Variants in PCDHGA6 observed in about 807,000 individuals in gnomAD.
PCDHGA6 encodes the protein protocadherin gamma-A6.
In PCDHGA6, 41 loss-of-function variants were observed where a neutral mutation model predicts 60.6. The observed-to-expected ratio is 0.68, with a 90% confidence interval of 0.53 to 0.88. The LOEUF (loss-of-function observed/expected upper bound fraction) is 0.88, where lower values mean the gene tolerates loss of function less well. PCDHGA6 is among the 40% of genes least tolerant of loss of function. The pLI is 0.00. For missense variants in PCDHGA6, 1,312 were observed against 1,203.0 expected, an observed-to-expected ratio of 1.09 and a Z score of -1.34; for synonymous variants, 594 against 524.4, an observed-to-expected ratio of 1.13 and a Z score of -1.81.
rs188768340 is a variant in PCDHGA6, at chr5:141,382,953, C to G, written c.2424+6446C>G. On this transcript the variant is annotated intron_variant, in intron 1 of 3. Transcript: ENST00000517434. ...ACAGAGGATTCTTCCTGCTCTCCAT[C>G]CTCCTGGGGACCCCCTGGGAAGCCT... 1,258 of 1,601,498 alleles carry G rather than the reference C, an allele frequency of 7.9e-4. 16 individuals carry two copies. In the African/African-American group the frequency reaches 0.015, roughly 19 times the overall value.
chr5:141,419,659 C>T (rs930108720), intron 1 of PCDHGA6: 2 of 1,612,608 alleles, frequency 1.2e-6, no homozygotes, highest in East Asian at 4.5e-5. Flanking sequence ...ACTCGGGGCA[C>T]AATGCCTGGC....
In PCDHGA6 at chr5:141,374,679, C is replaced by CAAGT. The variant is rs755200801; in HGVS notation, c.597_598insAGTA (p.Leu200SerfsTer39). The CAAGT allele has an allele frequency of 6.2e-7, 1 of 1,610,324 alleles. No individual in the cohort carries two copies. The highest frequency in any genetic ancestry group is 1.7e-5 in the Admixed American group (1 of 59,268). ...TACCCGGAGCTGGTGCTGGAGGGCA[C>CAAGT]ACTGGACCGGGAAGGAGAAGCCGTT... On this transcript the variant is annotated frameshift_variant, in exon 1 of 4. Coordinates refer to ENST00000517434, the MANE Select transcript of PCDHGA6 (RefSeq NM_018919.3). LOFTEE classifies it high-confidence loss of function.
At chr5:141,396,104 A>T (rs1423560620) in intron 1 of PCDHGA6, 1 of 152,258 alleles carries the variant, frequency 6.6e-6, no homozygotes, top group African/African-American at 2.4e-5. Flanking sequence ...TGTTGATATT[A>T]AGAACCAATG....
At chr5:141,471,078 T>C (rs1370939177) in intron 1 of PCDHGA6, among the ~76,000 whole-genome samples, 1 of 142,250 alleles carries the variant, frequency 7.0e-6, no homozygotes, top group Non-Finnish European at 1.5e-5. Context: ...AGACAGGGTC[T>C]CCCTCTGTTG....
At position 141,409,941 on chromosome 5, in the gene PCDHGA6, G is replaced by C. The variant is rs757414302; in HGVS notation, c.2424+33434G>C. ...TCCGCGTTCTTCGATATGGTACCTC[G>C]CTCTGCAGAGCCCGGCTACCTAGTG... On this transcript the variant is annotated intron_variant, in intron 1 of 3. Transcript: ENST00000517434. 1.9e-6 allele frequency: 3 copies of C among 1,613,226 alleles called. No homozygotes were observed. In the South Asian group the frequency reaches 3.3e-5, roughly 18 times the overall value.
chr5:141,505,546 C>T (rs555460173), intron 3 of PCDHGA6, 65 bp downstream of exon 3: 36 of 1,608,242 alleles, frequency 2.2e-5, no homozygotes, highest in South Asian at 7.7e-5. Context: ...CATCTCACAG[C>T]CACCATGCCC....
chr5:141,422,539 C>G, intron 1 of PCDHGA6: 1 of 1,613,994 alleles, frequency 6.2e-7, no homozygotes, highest in Non-Finnish European at 8.5e-7. Flanking sequence ...TGCAGAAACT[C>G]ATGTCTGGCT....
At chr5:141,419,863 G>C in intron 1 of PCDHGA6, 1 of 1,614,108 alleles carries the variant, frequency 6.2e-7, no homozygotes, top group Non-Finnish European at 8.5e-7. Flanking sequence ...CAGATAGCTT[G>C]CAAGAGGTAC....
intron 1 of PCDHGA6, chr5:141,389,625 G>C: frequency 6.2e-7 from 1 of 1,613,020 alleles, no homozygotes; most frequent in Non-Finnish European, 8.5e-7. Flanking sequence ...GCACGCTGCA[G>C]AGCCTGGCTA....
At position 141,395,074 on chromosome 5, in the gene PCDHGA6, C is replaced by T. The variant is rs368699767; in HGVS notation, c.2424+18567C>T. The T allele has an allele frequency of 3.9e-5, 63 of 1,614,048 alleles. No homozygotes were observed. The African/African-American group carries it at 6.0e-4, about 15-fold the overall frequency. Reference sequence around the variant, plus strand: ...GTACAGGCTTTCCTGCAGACCTATTCCCAGGAAGTCTCCCTCACCGCCGAC... The same window carrying T: ...GTACAGGCTTTCCTGCAGACCTATTTCCAGGAAGTCTCCCTCACCGCCGAC... On this transcript the variant is annotated intron_variant, in intron 1 of 3. Transcript: ENST00000517434.
Position 141,394,457 on chromosome 5 carries a change from G to A in PCDHGA6, c.2424+17950G>A, listed in dbSNP as rs375756271. 4 of 1,614,096 alleles carry A rather than the reference G, an allele frequency of 2.5e-6. No homozygotes were observed. The African/African-American group carries it at 4.0e-5, about 16-fold the overall frequency. On this transcript the variant is annotated intron_variant, in intron 1 of 3. Transcript: ENST00000517434. Reference sequence around the variant, plus strand: ...CGCCCCTCAGCAGCAACATGTCACTGAGCCTGTTCGTGCTGGACCAGAATG... The same window carrying A: ...CGCCCCTCAGCAGCAACATGTCACTAAGCCTGTTCGTGCTGGACCAGAATG...
intron 1 of PCDHGA6, among the ~76,000 whole-genome samples, chr5:141,397,541 C>G (rs1385892486): frequency 6.6e-6 from 1 of 152,014 alleles, no homozygotes; most frequent in Non-Finnish European, 1.5e-5. Context: ...TTTTTGAAAT[C>G]AGTATAGTAT....
intron 1 of PCDHGA6, chr5:141,478,814 C>T (rs1271237848): frequency 6.9e-7 from 1 of 1,451,050 alleles, no homozygotes; most frequent in East Asian, 2.5e-5. Context: ...GCTATCACAA[C>T]TAACCAATCT....
chr5:141,485,387 C>T lies in PCDHGA6; in HGVS notation c.2425-9420C>T. The T allele has an allele frequency of 6.2e-7, 1 of 1,614,078 alleles. No homozygotes were observed. Among genetic ancestry groups the T allele is most frequent in the Non-Finnish European group, 8.5e-7 (1 of 1,179,994 alleles). On this transcript the variant is annotated intron_variant, in intron 1 of 3. Coordinates refer to ENST00000517434, the MANE Select transcript of PCDHGA6 (RefSeq NM_018919.3). This position sits in a 1 kb window ranked among gnomAD's most constrained non-coding sequence, Gnocchi z 5.7. ...GCTGCAGGTCGCTGGAGAGGTGAAC[C>T]AAAGACACTTCCGTGTGGATTTGGA...
Position 141,399,283 on chromosome 5 carries a change from G to T in PCDHGA6, c.2424+22776G>T, listed in dbSNP as rs533695738. ...GGTTAATTGTCAATTACAAGGCGAA[G>T]TCCCTTTTAAGATTATCTCTTCATC... On this transcript the variant is annotated intron_variant, in intron 1 of 3. Coordinates refer to ENST00000517434, the MANE Select transcript of PCDHGA6 (RefSeq NM_018919.3). The T allele has an allele frequency of 5.0e-6, 8 of 1,613,888 alleles. No individual in the cohort carries two copies. The South Asian group carries it at 7.7e-5, about 16-fold the overall frequency.
intron 1 of PCDHGA6, among the ~76,000 whole-genome samples, chr5:141,444,770 C>A (rs1382748105): frequency 2.6e-5 from 4 of 152,078 alleles, no homozygotes; most frequent in African/African-American, 9.7e-5. Context: ...TTTCTATATT[C>A]TTGATCATGT....
At chr5:141,488,620 C>A (rs1271344928) in intron 1 of PCDHGA6, among the ~76,000 whole-genome samples, 1 of 152,164 alleles carries the variant, frequency 6.6e-6, no homozygotes, top group East Asian at 1.9e-4. Context: ...CTAATCTTTT[C>A]TCTCACCTTA....
At chr5:141,404,692 C>G (rs543452623) in intron 1 of PCDHGA6, 2 of 1,614,080 alleles carry the variant, frequency 1.2e-6, no homozygotes, top group South Asian at 2.2e-5. Context: ...TGGCACCCCG[C>G]TCTGCAGAGC....
rs1016254258 is a variant in PCDHGA6 at position 141,489,870 on chromosome 5, G to C, written c.2425-4937G>C. ...GTGAAGCCCAGGCAAGACATCAGCT[G>C]GTGCTTACTGCTGTGGATGGGGGGA... On this transcript the variant is annotated intron_variant, in intron 1 of 3. Transcript: ENST00000517434. The surrounding 1 kb of genome is among the most constrained non-coding windows in gnomAD (Gnocchi z 4.5). The C allele has an allele frequency of 2.0e-5, 32 of 1,614,102 alleles. No homozygotes were observed. Among genetic ancestry groups the C allele is most frequent in the African/African-American group, 4.0e-5 (3 of 74,944 alleles).
Sources: allele counts gnomAD v4.1 joint callset (sites outside exome capture counted in the v4.1 genomes callset), GRCh38; gene constraint gnomAD v4.1.1; non-coding constraint Gnocchi (gnomAD v3.1); transcripts MANE v1.5; gene names NCBI Gene and HGNC (gene_info 2026-07-23, HGNC 2026-07-21).